RBPJ: variants seen among roughly 807,000 people sequenced by gnomAD.
RBPJ encodes the protein recombination signal binding protein for immunoglobulin kappa J region.
RBPJ carries 9 observed loss-of-function variants against 67.8 expected under a neutral mutation model. The observed-to-expected ratio is 0.13, with a 90% CI of 0.08 to 0.23. RBPJ has a LOEUF of 0.23. Ranked by LOEUF, RBPJ falls within the 10% of genes least tolerant of loss-of-function variation. The pLI, the probability that RBPJ is intolerant of heterozygous loss-of-function variation, is 1.00. For missense variants in RBPJ, 305 were observed against 595.6 expected, an observed-to-expected ratio of 0.51 and a Z score of 5.08; for synonymous variants, 198 against 203.3, an observed-to-expected ratio of 0.97 and a Z score of 0.22.
chr4:26,319,831 G>C (rs375571599), upstream of RBPJ: 8 of 1,579,840 alleles, frequency 5.1e-6, no homozygotes, highest in African/African-American at 1.3e-5. Flanking sequence ...GGCAGTGCTG[G>C]ATCTGGGAAT....
intron 1 of RBPJ, among the ~76,000 whole-genome samples, chr4:26,260,345 A>G (rs1560233782): frequency 6.6e-6 from 1 of 152,218 alleles, no homozygotes; most frequent in Non-Finnish European, 1.5e-5. Flanking sequence ...AAACTGAAAA[A>G]TAAAGGGTCA....
At chr4:26,282,134 C>CTTTTTTTTTT (rs758435674) in intron 1 of RBPJ, among the ~76,000 whole-genome samples, 2 of 126,590 alleles carry the variant, frequency 1.6e-5, no homozygotes, top group African/African-American at 6.5e-5. Flanking sequence ...CTCTCTCTCT[C>CTTTTTTTTTT]TCTTTTTTTT....
intron 1 of RBPJ, among the ~76,000 whole-genome samples, chr4:26,245,077 T>C (rs1041075589): frequency 1.3e-5 from 2 of 151,664 alleles, no homozygotes; most frequent in African/African-American, 4.8e-5. Flanking sequence ...TTTTAGTGTA[T>C]CCTCAAGTTT....
At chr4:26,390,482 T>C (rs764858058) in intron 2 of RBPJ, among the ~76,000 whole-genome samples, 2 of 152,200 alleles carry the variant, frequency 1.3e-5, no homozygotes, top group Non-Finnish European at 2.9e-5. Context: ...CATGATCATA[T>C]GTATAGAAAA....
intron 1 of RBPJ, among the ~76,000 whole-genome samples, chr4:26,379,741 T>C (rs528007454): frequency 6.6e-6 from 1 of 152,246 alleles, no homozygotes; most frequent in East Asian, 1.9e-4. Flanking sequence ...ACCTGCCTAA[T>C]TTTTAATATT....
At chr4:26,408,480 T>G (rs1031656862) in intron 3 of RBPJ, among the ~76,000 whole-genome samples, 8 of 152,140 alleles carry the variant, frequency 5.3e-5, no homozygotes, top group Non-Finnish European at 7.4e-5. Context: ...TAGCAAGTTT[T>G]CTGCTTTTTA....
At chr4:26,397,492 A>T (rs1165099377) in intron 2 of RBPJ, among the ~76,000 whole-genome samples, 3 of 152,204 alleles carry the variant, frequency 2.0e-5, no homozygotes, top group African/African-American at 7.2e-5. Flanking sequence ...CTGTTTTGCA[A>T]CTTTTCCTTA....
chr4:26,356,145 G>A (rs1727348956), intron 1 of RBPJ, among the ~76,000 whole-genome samples: 1 of 152,200 alleles, frequency 6.6e-6, no homozygotes, highest in Admixed American at 6.5e-5. Flanking sequence ...TCAATAGAAA[G>A]GTAAGCCTGA....
chr4:26,108,232 C>T, the RBPJ span, among the ~76,000 whole-genome samples: 86 of 152,234 alleles, frequency 5.6e-4, no homozygotes, highest in African/African-American at 1.9e-3. Flanking sequence ...GGAATGGCAT[C>T]CAGGGCTCAG....
At chr4:26,339,357 C>T (rs1441655464) in intron 1 of RBPJ, among the ~76,000 whole-genome samples, 1 of 151,972 alleles carries the variant, frequency 6.6e-6, no homozygotes. Context: ...TCGTTGTTAA[C>T]AGTCCGGGGT....
chr4:26,310,728 G>A (rs1377521000), intron 1 of RBPJ, among the ~76,000 whole-genome samples: 1 of 149,202 alleles, frequency 6.7e-6, no homozygotes, highest in East Asian at 2.0e-4. Context: ...GGAGCGCAAT[G>A]GCACGATCTT....
At chr4:26,273,780 T>C (rs1720990164) in intron 1 of RBPJ, among the ~76,000 whole-genome samples, 1 of 152,198 alleles carries the variant, frequency 6.6e-6, no homozygotes, top group African/African-American at 2.4e-5. Context: ...CCATTCCCGG[T>C]GCCCCTTGCC....
At chr4:26,262,614 C>T (rs1720576214) in intron 1 of RBPJ, among the ~76,000 whole-genome samples, 1 of 152,088 alleles carries the variant, frequency 6.6e-6, no homozygotes, top group Non-Finnish European at 1.5e-5. Context: ...AGAGTCCATC[C>T]CTGAATGTCT....
chr4:26,318,697 G>C (rs930427072), upstream of RBPJ, among the ~76,000 whole-genome samples: 44 of 152,066 alleles, frequency 2.9e-4, no homozygotes, highest in African/African-American at 1.0e-3. Context: ...GGGTAGATTA[G>C]AAAGAAAACA....
the RBPJ span, among the ~76,000 whole-genome samples, chr4:26,116,477 G>T: frequency 6.6e-6 from 1 of 152,156 alleles, no homozygotes; most frequent in Non-Finnish European, 1.5e-5. Flanking sequence ...CAGAAACCTT[G>T]ACTTTCTCCA....
chr4:26,337,804 A>G (rs1229215133), intron 1 of RBPJ, among the ~76,000 whole-genome samples: 1 of 143,546 alleles, frequency 7.0e-6, no homozygotes, highest in East Asian at 2.1e-4. Flanking sequence ...CTCCTCCCTC[A>G]CCCTCCCCAG....
At chr4:26,156,915 A>G in the RBPJ span, among the ~76,000 whole-genome samples, 1 of 151,044 alleles carries the variant, frequency 6.6e-6, no homozygotes, top group Non-Finnish European at 1.5e-5. Context: ...ACAAAAAAAA[A>G]AATACATAAA....
At chr4:26,401,578 T>A (rs1174629330) in intron 2 of RBPJ, among the ~76,000 whole-genome samples, 1 of 152,208 alleles carries the variant, frequency 6.6e-6, no homozygotes, top group Non-Finnish European at 1.5e-5. Flanking sequence ...TTGTGTCCTG[T>A]TTTACCCGAG....
At chr4:26,331,996 T>C (rs1417315509) in intron 1 of RBPJ, among the ~76,000 whole-genome samples, 5 of 152,240 alleles carry the variant, frequency 3.3e-5, no homozygotes, top group African/African-American at 1.2e-4. Context: ...TTTTCTAGTG[T>C]ATATGCCAAG....
Sources: gnomAD v4.1 joint callset for allele counts (sites outside exome capture counted in the v4.1 genomes callset) on GRCh38, gnomAD v4.1.1 for gene constraint, MANE v1.5 for transcripts, NCBI Gene and HGNC (gene_info 2026-07-23, HGNC 2026-07-21) for gene names.